Variants in HIVEP1 observed in about 807,000 individuals in gnomAD.
The protein encoded by HIVEP1 is zinc finger protein 40.
In HIVEP1, 36 loss-of-function variants were observed where a neutral mutation model predicts 180.0. That is an observed-to-expected ratio of 0.20 (90% CI 0.15 to 0.26). HIVEP1 has a LOEUF of 0.26. Ranked by LOEUF, HIVEP1 falls within the 10% of genes least tolerant of loss-of-function variation. The probability of loss-of-function intolerance (pLI) is 1.00; values close to 1 mark genes in which losing one functional copy is unlikely to be tolerated. For synonymous variants in HIVEP1, 1,239 were observed against 1,239.0 expected (o/e 1.00, Z 0.00); for missense variants, 3,143 against 3,268.7 (o/e 0.96, Z 0.94).
At chr6:12,078,911 G>A (rs918320310) in intron 2 of HIVEP1, among the ~76,000 whole-genome samples, 2 of 151,878 alleles carry the variant, frequency 1.3e-5, no homozygotes, top group South Asian at 4.2e-4. Flanking sequence ...CCAAATTCAG[G>A]GTGTGGATGC....
Position 12,120,592 on chromosome 6 carries a change from T to C in HIVEP1, c.797T>C (p.Met266Thr), listed in dbSNP as rs1458118412. The C allele has an allele frequency of 1.2e-6, 2 of 1,614,098 alleles. No individual in the cohort carries two copies. The highest frequency in any genetic ancestry group is 1.7e-6 in the Non-Finnish European group (2 of 1,180,020). ...QSSCTSYTVH[M>T]SAAQKNEQGA... Reference sequence around the variant, plus strand: ...TCTTGTACCTCATACACAGTCCATATGTCTGCTGCTCAGAAGAATGAGCAA... The same window carrying C: ...TCTTGTACCTCATACACAGTCCATACGTCTGCTGCTCAGAAGAATGAGCAA... Residue 266 changes from methionine to threonine, a missense_variant, in exon 4 of 9, where the codon ATG becomes ACG. Coordinates refer to ENST00000379388, the MANE Select transcript of HIVEP1 (RefSeq NM_002114.4).
chr6:12,089,290 CAT>C, intron 3 of HIVEP1, 53 bp downstream of exon 3: 1 of 939,586 alleles, frequency 1.1e-6, no homozygotes, highest in Non-Finnish European at 1.7e-6. Context: ...GATGCCTATA[CAT>C]ATACCTCATA....
downstream of HIVEP1, among the ~76,000 whole-genome samples, chr6:12,168,364 A>AT (rs1249414031): frequency 2.3e-5 from 3 of 130,412 alleles, no homozygotes; most frequent in African/African-American, 2.8e-5. Flanking sequence ...TATATATTAT[A>AT]TACATATACA....
the HIVEP1 span, among the ~76,000 whole-genome samples, chr6:12,199,905 G>C: frequency 6.6e-6 from 1 of 152,162 alleles, no homozygotes; most frequent in Non-Finnish European, 1.5e-5. Context: ...CCCTGTCTGT[G>C]GTGGGGCACA....
chr6:12,071,348 C>T (rs1302123604), intron 2 of HIVEP1, among the ~76,000 whole-genome samples: 2 of 152,186 alleles, frequency 1.3e-5, no homozygotes, highest in Non-Finnish European at 2.9e-5. Flanking sequence ...GCCCTCTGTG[C>T]CTTGTGAGAG....
At chr6:12,165,821 A>C (rs1197389803), downstream of HIVEP1, among the ~76,000 whole-genome samples, 1 of 152,226 alleles carries the variant, frequency 6.6e-6, no homozygotes, top group African/African-American at 2.4e-5. Flanking sequence ...CAGCCTATCT[A>C]CTAAGGGGTT....
chr6:12,112,734 C>T (rs1774979960), intron 3 of HIVEP1, among the ~76,000 whole-genome samples: 1 of 151,964 alleles, frequency 6.6e-6, no homozygotes, highest in South Asian at 2.1e-4. Context: ...CAGGGCTGGG[C>T]TTCTGGATGG....
the HIVEP1 span, among the ~76,000 whole-genome samples, chr6:12,207,766 T>TAATAATAATAATAATAATAATAATAATAA: frequency 6.7e-6 from 1 of 149,606 alleles, no homozygotes; most frequent in Non-Finnish European, 1.5e-5. Flanking sequence ...ATAATAATAA[T>TAATAATAATAATAATAATAATAATAATAA]TAGCCAGGTG....
At chr6:12,024,204 A>G (rs886475949) in intron 2 of HIVEP1, among the ~76,000 whole-genome samples, 6 of 151,218 alleles carry the variant, frequency 4.0e-5, no homozygotes, top group African/African-American at 7.3e-5. Context: ...CTTTTTGATC[A>G]TGAGGCTTTA....
chr6:12,161,803 TGAAAACGACACAATTCC>T lies in HIVEP1; in HGVS notation c.6854_6870del (p.Glu2285ValfsTer18). 1 of 1,614,174 alleles carries T rather than the reference TGAAAACGACACAATTCC, an allele frequency of 6.2e-7. No individual in the cohort carries two copies. The highest frequency in any genetic ancestry group is 8.5e-7 in the Non-Finnish European group (1 of 1,180,024). ...AGGCCAGGCAGCGTGCTGCGAGAGATGAAAACGACACAATTCCGTCTGTAGACACTTCCAGGTCCCCG... is the reference window on the plus strand; with the variant it reads ...AGGCCAGGCAGCGTGCTGCGAGAGATGTCTGTAGACACTTCCAGGTCCCCG... On this transcript the variant is annotated frameshift_variant, in exon 8 of 9. Transcript: ENST00000379388. LOFTEE classifies it high-confidence loss of function.
In HIVEP1 at chr6:12,123,976, C is replaced by G. The variant is rs755401282; in HGVS notation, c.4181C>G (p.Thr1394Ser). ...AAATCATTCGATTGTGGAAGCATCA[C>G]CCCACCCCAGACAACACCACTTACT... ...RSKSFDCGSI[T>S]PPQTTPLTEL... The change falls in exon 4 of 9, where the codon ACC becomes AGC. Residue 1394 changes from threonine (T) to serine (S), a missense_variant. Thr to Ser is a moderately conservative substitution (Grantham distance 58). Transcript: ENST00000379388. The G allele has an allele frequency of 6.2e-6, 10 of 1,614,100 alleles. No individual in the cohort carries two copies. In the East Asian group the frequency reaches 2.2e-4, roughly 36 times the overall value.
chr6:12,109,154 A>G (rs1774714867), intron 3 of HIVEP1, among the ~76,000 whole-genome samples: 1 of 120,252 alleles, frequency 8.3e-6, no homozygotes, highest in South Asian at 2.8e-4. Context: ...TAATTTTTTA[A>G]ATTTTTTTAA....
At chr6:12,092,486 A>G (rs879715237) in intron 3 of HIVEP1, among the ~76,000 whole-genome samples, 1 of 152,180 alleles carries the variant, frequency 6.6e-6, no homozygotes, top group Non-Finnish European at 1.5e-5. Flanking sequence ...TTTTGCTATC[A>G]TAAACAATGC....
chr6:12,131,479 G>C (rs1373775327), intron 6 of HIVEP1, among the ~76,000 whole-genome samples: 1 of 150,430 alleles, frequency 6.6e-6, no homozygotes, highest in Non-Finnish European at 1.5e-5. Flanking sequence ...ATTTTCTATA[G>C]TTTCTATTAA....
intron 2 of HIVEP1, among the ~76,000 whole-genome samples, chr6:12,019,769 C>G (rs569278816): frequency 6.6e-6 from 1 of 152,222 alleles, no homozygotes; most frequent in Admixed American, 6.5e-5. Flanking sequence ...TTGATTTATT[C>G]TTGGTTCTCC....
At chr6:12,146,839 G>A (rs188988485) in intron 7 of HIVEP1, among the ~76,000 whole-genome samples, 19 of 152,046 alleles carry the variant, frequency 1.2e-4, no homozygotes, top group Admixed American at 7.2e-4. Context: ...TCGCCCAGGA[G>A]CTCCTGGCTG....
chr6:12,013,782 G>A (rs1048169175), intron 1 of HIVEP1, among the ~76,000 whole-genome samples: 1 of 151,928 alleles, frequency 6.6e-6, no homozygotes, highest in African/African-American at 2.4e-5. Flanking sequence ...ATCTTTTATA[G>A]ATCACTTAGC....
At position 12,144,821 on chromosome 6, in the gene HIVEP1, A is replaced by T. The variant is rs1234128626; in HGVS notation, c.6487+8929A>T. Among the ~76,000 whole-genome samples the T allele has an allele frequency of 7.2e-5, 11 of 152,270 alleles. No homozygotes were observed. In the East Asian group the frequency reaches 2.1e-3, roughly 29 times the overall value. ...AAATGCAAATCAAAACCACAGTGAG[A>T]TACCATCTCACACCAGTTAGAATGG... On this transcript the variant is annotated intron_variant, in intron 7 of 8. Coordinates refer to ENST00000379388, the MANE Select transcript of HIVEP1 (RefSeq NM_002114.4).
Position 12,125,122 on chromosome 6 carries a change from A to G in HIVEP1, c.5327A>G (p.Asp1776Gly), listed in dbSNP as rs1448499882. ...GAAAATGGAGCTGTTTGTGCAACAG[A>G]CGTGAGACCTTTAGAGGCTTTGAGT... Reference protein sequence around the residue: ...KDENGAVCATDVRPLEALSSR... With the variant: ...KDENGAVCATGVRPLEALSSR... The change falls in exon 4 of 9, where the codon GAC (aspartate) becomes GGC (glycine). Residue 1776 changes from aspartate (D) to glycine (G), a missense_variant. By Grantham distance (94) the Asp-to-Gly change is moderately conservative. Transcript: ENST00000379388. 1 of 1,613,546 alleles carries G rather than the reference A, an allele frequency of 6.2e-7. No individual in the cohort carries two copies. The highest frequency in any genetic ancestry group is 1.1e-5 in the South Asian group (1 of 90,874).
Sources: gnomAD v4.1 joint callset for allele counts (sites outside exome capture counted in the v4.1 genomes callset) on GRCh38, gnomAD v4.1.1 for gene constraint, MANE v1.5 for transcripts, NCBI Gene and HGNC (gene_info 2026-07-23, HGNC 2026-07-21) for gene names.